ERO1B: variants seen among roughly 807,000 people sequenced by gnomAD.
The protein encoded by ERO1B is ERO1-like protein beta.
A neutral mutation model predicts 75.3 loss-of-function variants in ERO1B; 49 were observed. The observed-to-expected ratio is 0.65, with a 90% CI of 0.52 to 0.83. The LOEUF (loss-of-function observed/expected upper bound fraction) is 0.83. Among genes scored for constraint, ERO1B ranks in the 40% least tolerant of loss-of-function variants. ERO1B has a pLI of 0.00. For missense variants in ERO1B, 512 were observed against 560.1 expected, an observed-to-expected ratio of 0.91 and a Z score of 0.87; for synonymous variants, 191 against 192.9, an observed-to-expected ratio of 0.99 and a Z score of 0.08.
intron 1 of ERO1B, among the ~76,000 whole-genome samples, chr1:236,281,068 T>C (rs1665818713): frequency 6.6e-6 from 1 of 152,188 alleles, no homozygotes; most frequent in Non-Finnish European, 1.5e-5. Context: ...CCCAGTCTCG[T>C]ATTGGGACTT....
intron 2 of ERO1B, among the ~76,000 whole-genome samples, chr1:236,259,071 C>T (rs1294043140): frequency 2.0e-5 from 3 of 151,798 alleles, no homozygotes; most frequent in Non-Finnish European, 4.4e-5. Context: ...ACAAACTATA[C>T]AAGATATAAG....
intron 2 of ERO1B, among the ~76,000 whole-genome samples, chr1:236,265,311 T>C (rs1257572156): frequency 6.6e-6 from 1 of 152,200 alleles, no homozygotes; most frequent in East Asian, 1.9e-4. Context: ...TTTTGATGAT[T>C]ATCAACATCA....
intron 2 of ERO1B, among the ~76,000 whole-genome samples, chr1:236,264,225 C>T (rs1665365927): frequency 6.6e-6 from 1 of 152,016 alleles, no homozygotes; most frequent in African/African-American, 2.4e-5. Context: ...CTCTGCCTGC[C>T]CCCCAACCAG....
chr1:236,239,006 G>A (rs925953319), intron 6 of ERO1B, among the ~76,000 whole-genome samples: 3 of 151,892 alleles, frequency 2.0e-5, no homozygotes, highest in African/African-American at 4.8e-5. Context: ...GGCTGGACTC[G>A]AACTCCTGAG....
At chr1:236,219,454 C>T (rs988467937) in intron 15 of ERO1B, among the ~76,000 whole-genome samples, 1 of 152,108 alleles carries the variant, frequency 6.6e-6, no homozygotes, top group African/African-American at 2.4e-5. Flanking sequence ...AGGAAATTTT[C>T]AATTGTTTTG....
intron 8 of ERO1B, among the ~76,000 whole-genome samples, chr1:236,233,733 A>G (rs1413082031): frequency 6.6e-6 from 1 of 152,206 alleles, no homozygotes; most frequent in Non-Finnish European, 1.5e-5. Flanking sequence ...TATGCACACA[A>G]TCCTCTCTGA....
chr1:236,271,784 T>A (rs1164784816), intron 1 of ERO1B, among the ~76,000 whole-genome samples: 2 of 152,146 alleles, frequency 1.3e-5, no homozygotes, highest in Non-Finnish European at 2.9e-5. Flanking sequence ...TGTTTTGTTA[T>A]CAATTTTTCC....
chr1:236,224,943 A>T lies in ERO1B; in HGVS notation c.1122+127T>A, dbSNP rs868066830. 4.2e-5 allele frequency: 35 copies of T among 829,188 alleles called. No homozygotes were observed. The Middle Eastern group carries it at 1.8e-3, about 44-fold the overall frequency. 51.4% of individuals were successfully genotyped at this position (829,188 alleles called of 1,614,324 possible). A position where few individuals can be genotyped will look rare whatever the true frequency, so the allele number is the denominator to read the frequency against. On this transcript the variant is annotated intron_variant, in intron 13 of 15. Transcript: ENST00000354619. Reference sequence around the variant, plus strand: ...AAAGGCTTTTTGTACCATTTGTATTAAAATCCAATCAGACCAACTCTGACA... The same window carrying T: ...AAAGGCTTTTTGTACCATTTGTATTTAAATCCAATCAGACCAACTCTGACA...
chr1:236,273,006 A>AC (rs1665631501), intron 1 of ERO1B, among the ~76,000 whole-genome samples: 1 of 152,038 alleles, frequency 6.6e-6, no homozygotes, highest in Non-Finnish European at 1.5e-5. Flanking sequence ...AGAATGCCCC[A>AC]CCCCCAAGAT....
intron 14 of ERO1B, 50 bp downstream of exon 14, chr1:236,221,874 G>GA: frequency 1.4e-6 from 2 of 1,413,200 alleles, no homozygotes; most frequent in Non-Finnish European, 2.0e-6. Context: ...GGACTCAGTG[G>GA]AAAAAATAAA....
At position 236,218,363 on chromosome 1, in the gene ERO1B, TAAG is replaced by T. The variant is rs1295279463; in HGVS notation, c.*150_*152del. ...ATATCTCTAGTTGATAATAATCTAT[TAAG>T]AATCATAAATATTCAAGTGAGCATT... On this transcript the variant is annotated 3_prime_UTR_variant, in exon 16 of 16. Transcript: ENST00000354619. The T allele has an allele frequency of 5.7e-5, 31 of 544,026 alleles. No individual in the cohort carries two copies. Among genetic ancestry groups the T allele is most frequent in the Middle Eastern group, 6.1e-4 (1 of 1,636 alleles). 33.7% of individuals were successfully genotyped at this position (544,026 alleles called of 1,614,324 possible).
At chr1:236,247,835 A>T (rs74548460) in intron 5 of ERO1B, among the ~76,000 whole-genome samples, 1 of 152,038 alleles carries the variant, frequency 6.6e-6, no homozygotes, top group East Asian at 1.9e-4. Flanking sequence ...TTCAACTAAC[A>T]TTTATATATA....
intron 15 of ERO1B, 56 bp from the exon 16 acceptor site, chr1:236,218,632 A>T (rs1250182364): frequency 4.9e-6 from 6 of 1,218,606 alleles, no homozygotes; most frequent in Non-Finnish European, 6.3e-6. Flanking sequence ...TACTGTTTCA[A>T]ATTATTGATA....
chr1:236,230,236 T>C lies in ERO1B; in HGVS notation c.700A>G (p.Thr234Ala). ...RGEDDGESFY[T>A]WLEGLCLEKR... ...ACAGACTGTTTACCTTCTAGCCATG[T>C]GTAGAATGATTCTCCTGAGAGAGAG... The change falls in exon 10 of 16, where the codon ACA becomes GCA. Residue 234 changes from threonine to alanine, a missense_variant. By Grantham distance (58) the Thr-to-Ala change is moderately conservative. Transcript: ENST00000354619. The C allele has an allele frequency of 1.3e-6, 2 of 1,593,764 alleles. No homozygotes were observed. The highest frequency in any genetic ancestry group is 1.7e-6 in the Non-Finnish European group (2 of 1,163,462).
intron 1 of ERO1B, 137 bp downstream of exon 1, chr1:236,281,545 G>A (rs929436492): frequency 4.0e-5 from 22 of 554,930 alleles, no homozygotes; most frequent in Admixed American, 1.3e-4. Flanking sequence ...TCTGCTCCCC[G>A]GGTTTTCTGC....
In ERO1B at chr1:236,281,756, C is replaced by A. The variant is rs747259564; in HGVS notation, c.28G>T (p.Ala10Ser). Reference sequence around the variant, plus strand: ...ACCGCGGCCGCTACCCCCTGCCCAGCGCCTGCCCGGCGGACCCCTTGGCTC... The same window carrying A: ...ACCGCGGCCGCTACCCCCTGCCCAGAGCCTGCCCGGCGGACCCCTTGGCTC... MSQGVRRAG[A>S]GQGVAAAVQL... Residue 10 changes from alanine to serine, a missense_variant, in exon 1 of 16, where the codon GCT (alanine) becomes TCT (serine). By Grantham distance (99) the Ala-to-Ser change is moderately conservative. Transcript: ENST00000354619. 4.6e-6 allele frequency: 7 copies of A among 1,515,220 alleles called. No individual in the cohort carries two copies. Among genetic ancestry groups the A allele is most frequent in the African/African-American group, 1.4e-5 (1 of 70,730 alleles). The allele number at this position is 1,515,220 out of a possible 1,614,324, so 93.9% of individuals were successfully genotyped here. A position where few individuals can be genotyped will look rare whatever the true frequency, so the allele number is the denominator to read the frequency against.
At chr1:236,275,977 T>A (rs948343205) in intron 1 of ERO1B, among the ~76,000 whole-genome samples, 3 of 152,356 alleles carry the variant, frequency 2.0e-5, no homozygotes, top group Middle Eastern at 3.4e-3. Context: ...AGATGTCAGA[T>A]AAAGTGACAC....
chr1:236,249,495 T>C (rs1664964855), intron 5 of ERO1B, among the ~76,000 whole-genome samples: 1 of 152,092 alleles, frequency 6.6e-6, no homozygotes, highest in African/African-American at 2.4e-5. Context: ...AGAAAAAAAA[T>C]CTACGAAATT....
intron 6 of ERO1B, among the ~76,000 whole-genome samples, chr1:236,239,906 TA>T (rs1287957685): frequency 6.6e-5 from 9 of 136,736 alleles, no homozygotes; most frequent in Non-Finnish European, 1.2e-4. Flanking sequence ...TATATATATA[TA>T]TATATTTTTT....
Sources: gnomAD v4.1 joint callset for allele counts (sites outside exome capture counted in the v4.1 genomes callset) on GRCh38, gnomAD v4.1.1 for gene constraint, MANE v1.5 for transcripts, NCBI Gene and HGNC (gene_info 2026-07-23, HGNC 2026-07-21) for gene names.